The following VCPIP1 variants were observed in gnomAD, a reference collection of about 807,000 sequenced individuals.
The protein encoded by VCPIP1 is deubiquitinating protein VCPIP1.
Under a neutral mutation model 85.0 loss-of-function variants are expected in VCPIP1, and 8 were observed. That is an observed-to-expected ratio of 0.09 (90% CI 0.06 to 0.17). The LOEUF is 0.17. VCPIP1 is among the 10% of genes least tolerant of loss of function. VCPIP1 has a pLI of 1.00. For missense variants in VCPIP1, 1,070 were observed against 1,486.3 expected (o/e 0.72, Z 4.61); for synonymous variants, 543 against 544.5 (o/e 1.00, Z 0.04).
rs138193700 is a variant in VCPIP1 at position 66,655,498 on chromosome 8, C to T, written c.2711-3954G>A. ...TATTATCTACCTTAGACACCCTTGG[C>T]GGAGTGAATATTATAAACGAGGTTT... On this transcript the variant is annotated intron_variant, in intron 1 of 2. Coordinates refer to ENST00000310421, the MANE Select transcript of VCPIP1 (RefSeq NM_025054.5). Among the ~76,000 whole-genome samples, 245 of 152,268 alleles carry T rather than the reference C, an allele frequency of 1.6e-3. 2 individuals are homozygous for T. The highest frequency in any genetic ancestry group is 5.7e-3 in the African/African-American group (235 of 41,554).
At position 66,628,596 on chromosome 8, in the gene VCPIP1, G is replaced by T. The variant is rs1232556065; in HGVS notation, c.*5905C>A. On this transcript the variant is annotated 3_prime_UTR_variant, in exon 3 of 3. Coordinates refer to ENST00000310421, the MANE Select transcript of VCPIP1 (RefSeq NM_025054.5). ...AGACAATAAAAATAAAATCCATAAT[G>T]AGCTGTTATAAGTAGGATGTTTATC... The T allele has an allele frequency of 6.6e-6, 1 of 152,206 alleles. No individual in the cohort carries two copies. The highest frequency in any genetic ancestry group is 1.5e-5 in the Non-Finnish European group (1 of 68,048). The allele number at this position is 152,206 out of a possible 1,614,324, so 9.4% of individuals were successfully genotyped here. A position where few individuals can be genotyped will look rare whatever the true frequency, so the allele number is the denominator to read the frequency against.
Position 66,665,437 on chromosome 8 carries a change from A to G in VCPIP1, c.1522T>C (p.Tyr508His). 1 of 1,614,232 alleles carries G rather than the reference A, an allele frequency of 6.2e-7. No homozygotes were observed. Among genetic ancestry groups the G allele is most frequent in the Non-Finnish European group, 8.5e-7 (1 of 1,180,036 alleles). Residue 508 changes from tyrosine (Y) to histidine (H), a missense_variant, in exon 1 of 3, where the codon TAC (tyrosine) becomes CAC (histidine). Transcript: ENST00000310421. The surrounding 1 kb of genome is among the most constrained non-coding windows in gnomAD (Gnocchi z 4.3). ...ACCAAATTGTTCAAGGGAAAGCTGTAATTTTTGTCAGTCCTCAGCTGTCCA... is the reference window on the plus strand; with the variant it reads ...ACCAAATTGTTCAAGGGAAAGCTGTGATTTTTGTCAGTCCTCAGCTGTCCA... The part of the protein sequence containing the change: ...THGQLRTDKN[Y>H]SFPLNNLVCS...
Position 66,666,906 on chromosome 8 carries a change from G to C in VCPIP1, c.53C>G (p.Pro18Arg), listed in dbSNP as rs777679375. 3.2e-5 allele frequency: 51 copies of C among 1,595,202 alleles called. No individual in the cohort carries two copies. The highest frequency in any genetic ancestry group is 4.3e-5 in the Non-Finnish European group (50 of 1,174,572). ...GGACGACGGAGTCTGTGGAGCCTCAGGGGGAGGAGGTGGCGGCGGCAACGG... is the reference window on the plus strand; with the variant it reads ...GGACGACGGAGTCTGTGGAGCCTCACGGGGAGGAGGTGGCGGCGGCAACGG... ...PPPLPPPPPP[P>R]EAPQTPSSLA... The change falls in exon 1 of 3, where the codon CCT becomes CGT. Residue 18 changes from proline (P) to arginine (R), a missense_variant. Pro to Arg is a moderately radical substitution (Grantham distance 103). Transcript: ENST00000310421. This position sits in a 1 kb window ranked among gnomAD's most constrained non-coding sequence, Gnocchi z 6.3.
intron 1 of VCPIP1, among the ~76,000 whole-genome samples, chr8:66,662,338 G>A (rs1432593877): frequency 6.6e-6 from 1 of 152,144 alleles, no homozygotes; most frequent in African/African-American, 2.4e-5. Context: ...CTAGTTACCA[G>A]AATTTTCATG....
chr8:66,646,034 C>G (rs1023191206), intron 2 of VCPIP1, among the ~76,000 whole-genome samples: 2 of 151,682 alleles, frequency 1.3e-5, no homozygotes, highest in Non-Finnish European at 2.9e-5. Flanking sequence ...CCTCAACTTA[C>G]AACGGGTTAC....
chr8:66,638,735 C>T (rs1810914587), intron 2 of VCPIP1, among the ~76,000 whole-genome samples: 2 of 151,288 alleles, frequency 1.3e-5, no homozygotes, highest in East Asian at 2.0e-4. Flanking sequence ...GCCGAGATCA[C>T]GCCACTGCAC....
chr8:66,658,781 C>T (rs1277472648), intron 1 of VCPIP1, among the ~76,000 whole-genome samples: 1 of 152,070 alleles, frequency 6.6e-6, no homozygotes, highest in African/African-American at 2.4e-5. Flanking sequence ...CCACCGCACC[C>T]AGCCGATTCT....
chr8:66,657,209 T>C (rs750496029), intron 1 of VCPIP1, among the ~76,000 whole-genome samples: 31 of 152,200 alleles, frequency 2.0e-4, no homozygotes, highest in Middle Eastern at 3.4e-3. Context: ...CCAGCCAAAA[T>C]GTATTTTTAA....
At position 66,635,266 on chromosome 8, in the gene VCPIP1, A is replaced by G; in HGVS notation, c.2904T>C (p.His968=). The part of the protein sequence containing the change: ...RLELCVDAAG[H]FPIGPDVEDL... ...CTTCAACATCAGGACCAATGGGGAAATGTCCTGCAGCATCCACACACAATT... is the reference window on the plus strand; with the variant it reads ...CTTCAACATCAGGACCAATGGGGAAGTGTCCTGCAGCATCCACACACAATT... Residue 968 remains histidine, a synonymous_variant, in exon 3 of 3, where the codon CAT becomes CAC. Transcript: ENST00000310421. 2 of 1,614,228 alleles carry G rather than the reference A, an allele frequency of 1.2e-6. No homozygotes were observed. The highest frequency in any genetic ancestry group is 1.7e-6 in the Non-Finnish European group (2 of 1,180,044).
At chr8:66,658,248 C>T (rs988774016) in intron 1 of VCPIP1, among the ~76,000 whole-genome samples, 3 of 150,238 alleles carry the variant, frequency 2.0e-5, no homozygotes, top group East Asian at 2.0e-4. Context: ...GCAGGAGAAT[C>T]GCTTGAAACT....
chr8:66,634,673 C>T lies in VCPIP1; in HGVS notation c.3497G>A (p.Gly1166Asp). 2 of 1,613,264 alleles carry T rather than the reference C, an allele frequency of 1.2e-6. No homozygotes were observed. The highest frequency in any genetic ancestry group is 1.7e-6 in the Non-Finnish European group (2 of 1,180,020). Residue 1166 changes from glycine (G) to aspartate (D), a missense_variant, in exon 3 of 3, where the codon GGT becomes GAT. By Grantham distance (94) the Gly-to-Asp change is moderately conservative. Around this residue, in one of 8 missense-constraint regions of VCPIP1, gnomAD observed 255 missense variants for 289.5 expected, o/e 0.88. Coordinates refer to ENST00000310421, the MANE Select transcript of VCPIP1 (RefSeq NM_025054.5). ...GLPESFPLTG[G>D]TENLNTETTD... ...TGTTTCTGTATTCAAATTTTCAGTA[C>T]CACCAGTTAAAGGAAAAGATTCAGG...
At chr8:66,650,657 A>G (rs1305175103) in intron 2 of VCPIP1, among the ~76,000 whole-genome samples, 1 of 145,250 alleles carries the variant, frequency 6.9e-6, no homozygotes, top group Non-Finnish European at 1.6e-5. Context: ...CAAACATAAC[A>G]ACAACAACAC....
At chr8:66,659,835 G>C (rs894043715) in intron 1 of VCPIP1, among the ~76,000 whole-genome samples, 1 of 151,868 alleles carries the variant, frequency 6.6e-6, no homozygotes, top group African/African-American at 2.4e-5. Flanking sequence ...GAGAGGTTGA[G>C]AATCACTTGG....
intron 2 of VCPIP1, among the ~76,000 whole-genome samples, chr8:66,639,360 G>A (rs1389225623): frequency 2.1e-5 from 3 of 142,396 alleles, no homozygotes; most frequent in African/African-American, 7.9e-5. Context: ...TGTTGCTGGG[G>A]TTGGGGGAAA....
At chr8:66,639,176 G>C (rs1810922616) in intron 2 of VCPIP1, among the ~76,000 whole-genome samples, 1 of 151,364 alleles carries the variant, frequency 6.6e-6, no homozygotes, top group African/African-American at 2.4e-5. Context: ...GTAGAGACAG[G>C]GTTTCATCAT....
intron 1 of VCPIP1, 53 bp downstream of exon 1, chr8:66,664,196 C>CA (rs1811183848): frequency 6.9e-7 from 1 of 1,454,316 alleles, no homozygotes; most frequent in African/African-American, 1.4e-5. Flanking sequence ...CAGGAAAACT[C>CA]AGTGTATTAT....
At chr8:66,635,499 AATTC>A in intron 2 of VCPIP1, 127 bp from the exon 3 acceptor site, 1 of 995,262 alleles carries the variant, frequency 1.0e-6, no homozygotes, top group Non-Finnish European at 1.4e-6. Flanking sequence ...TTCAAAACAA[AATTC>A]ATTCAGATTT....
At chr8:66,661,930 AT>A (rs545071912) in intron 1 of VCPIP1, among the ~76,000 whole-genome samples, 18 of 144,488 alleles carry the variant, frequency 1.2e-4, no homozygotes, top group Admixed American at 2.1e-4. Flanking sequence ...CACCCGGCTT[AT>A]TTTTTTTTTG....
chr8:66,648,145 T>A (rs1811014087), intron 2 of VCPIP1, among the ~76,000 whole-genome samples: 1 of 151,940 alleles, frequency 6.6e-6, no homozygotes, highest in Admixed American at 6.6e-5. Context: ...GGAATACTAC[T>A]CAGCAATAAA....
Sources: allele counts gnomAD v4.1 joint callset (sites outside exome capture counted in the v4.1 genomes callset), GRCh38; gene constraint gnomAD v4.1.1; regional missense constraint gnomAD v4.1.1; non-coding constraint Gnocchi (gnomAD v3.1); transcripts MANE v1.5; gene names NCBI Gene and HGNC (gene_info 2026-07-23, HGNC 2026-07-21).